STRBP: variants seen among roughly 807,000 people sequenced by gnomAD.
STRBP encodes spermatid perinuclear RNA-binding protein.
A neutral mutation model predicts 80.1 loss-of-function variants in STRBP; 13 were observed. The observed-to-expected ratio is 0.16, with a 90% confidence interval of 0.11 to 0.26. The LOEUF (loss-of-function observed/expected upper bound fraction) is 0.26, where lower values mean the gene tolerates loss of function less well. Ranked by LOEUF, STRBP falls within the 10% of genes least tolerant of loss-of-function variation. The pLI is 1.00. For missense variants in STRBP, 485 were observed against 815.2 expected, an observed-to-expected ratio of 0.59 and a Z score of 4.93; for synonymous variants, 284 against 291.2, an observed-to-expected ratio of 0.98 and a Z score of 0.25.
At chr9:123,250,505 T>G (rs1054508682) in intron 1 of STRBP, among the ~76,000 whole-genome samples, 1 of 152,090 alleles carries the variant, frequency 6.6e-6, no homozygotes, top group Non-Finnish European at 1.5e-5. Context: ...TGTAAAAGGG[T>G]CTATAGTTAA....
chr9:123,243,689 T>G (rs2040744199), intron 1 of STRBP, among the ~76,000 whole-genome samples: 1 of 152,084 alleles, frequency 6.6e-6, no homozygotes, highest in South Asian at 2.1e-4. Flanking sequence ...AACATTTCAC[T>G]GAAAAGCAGA....
intron 1 of STRBP, among the ~76,000 whole-genome samples, chr9:123,248,512 C>T (rs1012094180): frequency 3.9e-5 from 6 of 152,074 alleles, no homozygotes; most frequent in Middle Eastern, 3.4e-3. Context: ...CCTCGTGTTC[C>T]GCCTGCCTCA....
rs562250357 is a variant in STRBP, at chr9:123,123,360, G to A, written c.*2237C>T. On this transcript the variant is annotated 3_prime_UTR_variant, in exon 19 of 19. Transcript: ENST00000348403. ...AATGGAAGGGTGGGAAGGGCAACAG[G>A]TGGGGGGACACTTAATTCATTACAG... The A allele has an allele frequency of 8.8e-5, 87 of 985,382 alleles. 1 individual carries two copies. In the Admixed American group the frequency reaches 3.6e-3, roughly 41 times the overall value. 61.0% of individuals were successfully genotyped at this position (985,382 alleles called of 1,614,324 possible).
At position 123,123,580 on chromosome 9, in the gene STRBP, A is replaced by T. The variant is rs1012182212; in HGVS notation, c.*2017T>A. 5 of 985,164 alleles carry T rather than the reference A, an allele frequency of 5.1e-6. No individual in the cohort carries two copies. In the African/African-American group the frequency reaches 8.7e-5, roughly 17 times the overall value. 61.0% of individuals were successfully genotyped at this position (985,164 alleles called of 1,614,324 possible). A position where few individuals can be genotyped will look rare whatever the true frequency, so the allele number is the denominator to read the frequency against. On this transcript the variant is annotated 3_prime_UTR_variant, in exon 19 of 19. Coordinates refer to ENST00000348403, the MANE Select transcript of STRBP (RefSeq NM_018387.5). Reference sequence around the variant, plus strand: ...GTAGAAACCATTTGAAATGACTGCCATCATGTTGGAAAACAGCACAGCTCC... The same window carrying T: ...GTAGAAACCATTTGAAATGACTGCCTTCATGTTGGAAAACAGCACAGCTCC...
intron 2 of STRBP, among the ~76,000 whole-genome samples, chr9:123,198,941 T>C (rs1588086675): frequency 6.6e-6 from 1 of 152,210 alleles, no homozygotes; most frequent in Admixed American, 6.5e-5. Context: ...GTTTCATTTG[T>C]CTATGTCCCT....
chr9:123,190,397 T>C (rs2038879391), intron 2 of STRBP, among the ~76,000 whole-genome samples: 1 of 152,186 alleles, frequency 6.6e-6, no homozygotes, highest in African/African-American at 2.4e-5. Flanking sequence ...GGTGGCATTA[T>C]TTCTATGCAA....
At chr9:123,192,898 A>C (rs2038972298) in intron 2 of STRBP, among the ~76,000 whole-genome samples, 1 of 152,168 alleles carries the variant, frequency 6.6e-6, no homozygotes, top group African/African-American at 2.4e-5. Flanking sequence ...AGTGGCATCC[A>C]AGGTCCTATC....
Position 123,115,791 on chromosome 9 carries a change from AC to A in STRBP, c.*84+137del, listed in dbSNP as rs2035635218. 1 of 344,736 alleles carries A rather than the reference AC, an allele frequency of 2.9e-6. No individual in the cohort carries two copies. Among genetic ancestry groups the A allele is most frequent in the Admixed American group, 3.8e-5 (1 of 26,146 alleles). 21.4% of individuals were successfully genotyped at this position (344,736 alleles called of 1,614,324 possible). A position where few individuals can be genotyped will look rare whatever the true frequency, so the allele number is the denominator to read the frequency against. On this transcript the variant is annotated intron_variant and NMD_transcript_variant, in intron 3 of 3. Transcript: ENST00000471564. The surrounding 1 kb of genome is among the most constrained non-coding windows in gnomAD (Gnocchi z 5.0). ...GCTGGTTACAGGGAGCTCATGTCGC[AC>A]CTCAGCTGCTCTCTCAAGGCTGCGT...
chr9:123,181,004 A>G, intron 3 of STRBP: 1 of 862,694 alleles, frequency 1.2e-6, no homozygotes, highest in Non-Finnish European at 1.4e-6. Context: ...TTATTTTTGG[A>G]TAACAGTAAA....
At chr9:123,190,644 C>T (rs2038890508) in intron 2 of STRBP, among the ~76,000 whole-genome samples, 1 of 152,076 alleles carries the variant, frequency 6.6e-6, no homozygotes, top group Non-Finnish European at 1.5e-5. Context: ...GGGCAGAGGC[C>T]GAAAGGTCTT....
Position 123,139,560 on chromosome 9 carries a change from T to C in STRBP, c.1466A>G (p.Asn489Ser). The C allele has an allele frequency of 1.2e-6, 2 of 1,612,060 alleles. No individual in the cohort carries two copies. Among genetic ancestry groups the C allele is most frequent in the Non-Finnish European group, 1.7e-6 (2 of 1,179,524 alleles). The change falls in exon 14 of 19, where the codon AAT (asparagine) becomes AGT (serine). Residue 489 changes from asparagine to serine, a missense_variant. By Grantham distance (46) the Asn-to-Ser change is conservative (BLOSUM62 1). This residue lies in a region of STRBP where 377 missense variants were observed against 616.1 expected (regional missense o/e 0.61). Coordinates refer to ENST00000348403, the MANE Select transcript of STRBP (RefSeq NM_018387.5). Reference protein sequence around the residue: ...VSSNSSNNTGNSTTETSSTLE... With the variant: ...VSSNSSNNTGSSTTETSSTLE... ...GGTACTGGAGGTTTCAGTTGTAGAATTTCCAGTATTATTGCTTGAGTTTGA... is the reference window on the plus strand; with the variant it reads ...GGTACTGGAGGTTTCAGTTGTAGAACTTCCAGTATTATTGCTTGAGTTTGA...
In STRBP at chr9:123,191,487, A is replaced by G. The variant is rs1456701717; in HGVS notation, c.-164-7189T>C. ...GCAGAGGCTGGCAAACTTTTTCTTT[A>G]AAGTGCCAGATAGTAAATACATCAG... is the stretch of plus-strand genomic sequence containing the variant. On this transcript the variant is annotated intron_variant, in intron 2 of 18. Coordinates refer to ENST00000348403, the MANE Select transcript of STRBP (RefSeq NM_018387.5). Among the ~76,000 whole-genome samples the G allele has an allele frequency of 4.6e-5, 7 of 152,234 alleles. No homozygotes were observed. The East Asian group carries it at 1.2e-3, about 25-fold the overall frequency.
intron 2 of STRBP, among the ~76,000 whole-genome samples, chr9:123,210,469 G>A (rs1414037561): frequency 6.7e-6 from 1 of 149,854 alleles, no homozygotes; most frequent in African/African-American, 2.4e-5. Context: ...AGAAAAAAAA[G>A]GCAAGAACAA....
rs530324837 is a variant in STRBP at position 123,192,918 on chromosome 9, G to T, written c.-164-8620C>A. ...CATCCAAGGTCCTATCGTCATTCTT[G>T]TCATTTCTCTCACCACCACAGCTCC... is the stretch of plus-strand genomic sequence containing the variant. On this transcript the variant is annotated intron_variant, in intron 2 of 18. Transcript: ENST00000348403. Among the ~76,000 whole-genome samples, 10 of 152,216 alleles carry T rather than the reference G, an allele frequency of 6.6e-5. No homozygotes were observed. The South Asian group carries it at 1.9e-3, about 28-fold the overall frequency.
At chr9:123,209,418 C>G (rs1443299449) in intron 2 of STRBP, among the ~76,000 whole-genome samples, 5 of 152,184 alleles carry the variant, frequency 3.3e-5, no homozygotes, top group African/African-American at 1.2e-4. Context: ...GGGATGATAA[C>G]CTGCCCACCT....
At chr9:123,210,117 T>G (rs1322082771) in intron 2 of STRBP, among the ~76,000 whole-genome samples, 1 of 152,248 alleles carries the variant, frequency 6.6e-6, no homozygotes, top group Non-Finnish European at 1.5e-5. Context: ...TTCTTTCATT[T>G]TCTTAAACTA....
intron 2 of STRBP, among the ~76,000 whole-genome samples, chr9:123,185,532 CAG>C (rs2038661876): frequency 6.6e-6 from 1 of 152,156 alleles, no homozygotes; most frequent in Admixed American, 6.5e-5. Flanking sequence ...AACCAAAAAA[CAG>C]GGATCAAAAT....
Position 123,128,210 on chromosome 9 carries a change from G to A in STRBP, c.1942+4C>T, listed in dbSNP as rs748530076. 9.9e-6 allele frequency: 16 copies of A among 1,614,006 alleles called. No homozygotes were observed. The highest frequency in any genetic ancestry group is 6.7e-5 in the East Asian group (3 of 44,900). On this transcript the variant is annotated splice_donor_region_variant and intron_variant, in intron 18 of 18. Coordinates refer to ENST00000348403, the MANE Select transcript of STRBP (RefSeq NM_018387.5). ...AGGAGATATCAGTAAGATGGTGTAC[G>A]TACCATAGGCAGGGGCAGCTGTGCT...
At chr9:123,160,557 C>A in intron 7 of STRBP, 95 bp from the exon 8 acceptor site, 1 of 796,238 alleles carries the variant, frequency 1.3e-6, no homozygotes. Context: ...GCAAATTATT[C>A]ATCAGTTATC....
Sources: allele counts gnomAD v4.1 joint callset (sites outside exome capture counted in the v4.1 genomes callset), GRCh38; gene constraint gnomAD v4.1.1; regional missense constraint gnomAD v4.1.1; non-coding constraint Gnocchi (gnomAD v3.1); transcripts MANE v1.5; gene names NCBI Gene and HGNC (gene_info 2026-07-23, HGNC 2026-07-21).